The following CADM2 variants were observed in gnomAD, a reference collection of about 807,000 sequenced individuals.
The protein encoded by CADM2 is immunoglobulin superfamily member 4D.
A neutral mutation model predicts 49.8 loss-of-function variants in CADM2; 12 were observed. That is an observed-to-expected ratio of 0.24 (90% confidence interval 0.15 to 0.39). CADM2 has a LOEUF of 0.39. CADM2 is among the 10% of genes least tolerant of loss of function. CADM2 has a pLI of 1.00. For synonymous variants in CADM2, 214 were observed against 175.4 expected (o/e 1.22, Z -1.74); for missense variants, 378 against 492.3 (o/e 0.77, Z 2.20).
At chr3:85,102,282 A>G (rs923328577) in intron 1 of CADM2, among the ~76,000 whole-genome samples, 12 of 152,176 alleles carry the variant, frequency 7.9e-5, no homozygotes, top group Non-Finnish European at 1.3e-4. Flanking sequence ...CATTTGGGTC[A>G]TGAATAAATG....
chr3:85,598,112 G>A (rs1391079307), intron 1 of CADM2, among the ~76,000 whole-genome samples: 1 of 151,708 alleles, frequency 6.6e-6, no homozygotes, highest in African/African-American at 2.4e-5. Flanking sequence ...CCGACACGGT[G>A]GTAAATATTT....
chr3:85,876,654 A>G (rs1200583082), intron 3 of CADM2, among the ~76,000 whole-genome samples: 1 of 152,166 alleles, frequency 6.6e-6, no homozygotes, highest in Non-Finnish European at 1.5e-5. Flanking sequence ...CAATCTAAAG[A>G]TACCTTTTAA....
chr3:85,622,497 T>C (rs1293717274), intron 1 of CADM2, among the ~76,000 whole-genome samples: 3 of 152,168 alleles, frequency 2.0e-5, no homozygotes, highest in Non-Finnish European at 4.4e-5. Context: ...GCTTGTATCA[T>C]GTGTCTGTTT....
chr3:85,727,166 G>GT, intron 2 of CADM2, among the ~76,000 whole-genome samples: 1 of 152,134 alleles, frequency 6.6e-6, no homozygotes, highest in Non-Finnish European at 1.5e-5. Context: ...GTATGATACT[G>GT]TATCATAGAC....
chr3:85,297,240 T>G (rs1234025029), intron 1 of CADM2, among the ~76,000 whole-genome samples: 1 of 152,160 alleles, frequency 6.6e-6, no homozygotes, highest in Non-Finnish European at 1.5e-5. Context: ...ACCACATCTC[T>G]AATACCAAAA....
chr3:85,717,268 G>A (rs2067326923), intron 1 of CADM2, among the ~76,000 whole-genome samples: 1 of 152,080 alleles, frequency 6.6e-6, no homozygotes, highest in African/African-American at 2.4e-5. Flanking sequence ...TTGTGAATGG[G>A]ACTTTGCTCA....
chr3:85,218,638 A>G (rs1261131556), intron 1 of CADM2, among the ~76,000 whole-genome samples: 1 of 152,060 alleles, frequency 6.6e-6, no homozygotes, highest in Non-Finnish European at 1.5e-5. Flanking sequence ...TCTGCTAAAA[A>G]CACAAAAATT....
At chr3:85,845,555 G>T (rs1335023787) in intron 3 of CADM2, among the ~76,000 whole-genome samples, 1 of 152,092 alleles carries the variant, frequency 6.6e-6, no homozygotes, top group Non-Finnish European at 1.5e-5. Flanking sequence ...TGCTGAGGTG[G>T]CCTCCTCCGT....
chr3:85,089,517 AC>A (rs1382385498), intron 1 of CADM2, among the ~76,000 whole-genome samples: 2 of 152,166 alleles, frequency 1.3e-5, no homozygotes. Flanking sequence ...TATCAACTGA[AC>A]TTTTGACTCA....
chr3:85,259,445 G>T (rs1248091937), intron 1 of CADM2, among the ~76,000 whole-genome samples: 1 of 151,684 alleles, frequency 6.6e-6, no homozygotes, highest in Admixed American at 6.6e-5. Flanking sequence ...ACACTAAAAT[G>T]CAATTTAGTG....
intron 1 of CADM2, among the ~76,000 whole-genome samples, chr3:85,369,486 C>T (rs577064914): frequency 6.4e-4 from 98 of 152,156 alleles, no homozygotes; most frequent in Middle Eastern, 3.4e-3. Flanking sequence ...TACAAAATTT[C>T]GGCTGGGCTC....
At chr3:85,356,615 A>G (rs2031882997) in intron 1 of CADM2, among the ~76,000 whole-genome samples, 1 of 152,162 alleles carries the variant, frequency 6.6e-6, no homozygotes, top group African/African-American at 2.4e-5. Flanking sequence ...GGAAAGAGAA[A>G]CACGTACATA....
chr3:85,610,664 T>C (rs528585170), intron 1 of CADM2, among the ~76,000 whole-genome samples: 14 of 152,052 alleles, frequency 9.2e-5, no homozygotes, highest in African/African-American at 3.4e-4. Flanking sequence ...TCAAATAATC[T>C]CACTGTACTG....
At chr3:85,062,007 C>T (rs1237602640) in intron 1 of CADM2, among the ~76,000 whole-genome samples, 1 of 151,776 alleles carries the variant, frequency 6.6e-6, no homozygotes, top group East Asian at 1.9e-4. Context: ...CTTACATACA[C>T]ACATTCTGTC....
chr3:85,867,987 G>A (rs1054035044), intron 3 of CADM2, among the ~76,000 whole-genome samples: 2 of 151,898 alleles, frequency 1.3e-5, no homozygotes, highest in African/African-American at 2.4e-5. Context: ...GCTTCAAATA[G>A]TCAATTTCAA....
intron 3 of CADM2, among the ~76,000 whole-genome samples, chr3:85,855,594 AT>A: frequency 8.3e-5 from 9 of 108,600 alleles, no homozygotes; most frequent in South Asian, 2.9e-4. Flanking sequence ...ACATATATAT[AT>A]ATAAAACATA....
At chr3:85,534,547 C>G (rs2061385809) in intron 1 of CADM2, among the ~76,000 whole-genome samples, 1 of 152,182 alleles carries the variant, frequency 6.6e-6, no homozygotes, top group East Asian at 1.9e-4. Context: ...TCACACTCTT[C>G]TGTTCAGTAT....
intron 1 of CADM2, among the ~76,000 whole-genome samples, chr3:85,255,961 T>C (rs572343140): frequency 4.6e-5 from 7 of 152,222 alleles, no homozygotes; most frequent in African/African-American, 9.6e-5. Context: ...TTAACATTTT[T>C]TTTTCCTGAA....
At chr3:85,668,947 C>T (rs1398106744) in intron 1 of CADM2, among the ~76,000 whole-genome samples, 1 of 152,020 alleles carries the variant, frequency 6.6e-6, no homozygotes. Flanking sequence ...GGTCATATGC[C>T]TAACTCATCT....
Sources: allele counts gnomAD v4.1 joint callset (sites outside exome capture counted in the v4.1 genomes callset), GRCh38; gene constraint gnomAD v4.1.1; transcripts MANE v1.5; gene names NCBI Gene and HGNC (gene_info 2026-07-23, HGNC 2026-07-21).